The following NOC4L variants were observed in gnomAD, a reference collection of about 807,000 sequenced individuals.
NOC4L encodes nucleolar complex associated 4 homolog, also known as nucleolar complex protein 4 homolog.
In NOC4L, 40 loss-of-function variants were observed where a neutral mutation model predicts 62.8. The ratio of observed to expected loss-of-function variants is 0.64; its 90% CI spans 0.49 to 0.83. NOC4L has a LOEUF of 0.83. NOC4L is among the 40% of genes least tolerant of loss of function. The probability of loss-of-function intolerance (pLI) is 0.00; values close to 1 mark genes in which losing one functional copy is unlikely to be tolerated. For missense variants in NOC4L, 927 were observed against 701.9 expected, an observed-to-expected ratio of 1.32 and a Z score of -3.62; for synonymous variants, 433 against 299.8, an observed-to-expected ratio of 1.44 and a Z score of -4.59.
At position 132,148,905 on chromosome 12, in the gene NOC4L, GCCGCC is replaced by G. The variant is rs1897840770; in HGVS notation, c.901+11_901+15del. On this transcript the variant is annotated intron_variant, in intron 9 of 14. Coordinates refer to ENST00000330579, the MANE Select transcript of NOC4L (RefSeq NM_024078.3). ...CGCGCCTGCGACCTCGGTGAGTGCC[GCCGCC>G]TCGCTCACACCACACCCCTAATCCC... The G allele has an allele frequency of 7.8e-6, 10 of 1,278,402 alleles. No homozygotes were observed. The highest frequency in any genetic ancestry group is 4.3e-5 in the Admixed American group (2 of 45,992). 79.2% of individuals were successfully genotyped at this position (1,278,402 alleles called of 1,614,324 possible). A position where few individuals can be genotyped will look rare whatever the true frequency, so the allele number is the denominator to read the frequency against.
At chr12:132,147,030 T>TG in intron 3 of NOC4L, among the ~76,000 whole-genome samples, 1 of 152,344 alleles carries the variant, frequency 6.6e-6, no homozygotes, top group South Asian at 2.1e-4. Flanking sequence ...AGACCTGGGC[T>TG]GTGTACCCTT....
In NOC4L at chr12:132,152,296, C is replaced by T; in HGVS notation, c.1446C>T (p.Asp482=). The T allele has an allele frequency of 5.1e-6, 8 of 1,563,010 alleles. No individual in the cohort carries two copies. The highest frequency in any genetic ancestry group is 6.1e-6 in the Non-Finnish European group (7 of 1,154,320). The change falls in exon 15 of 15, where the codon GAC becomes GAT. Residue 482 remains aspartate (D), a synonymous_variant. Transcript: ENST00000330579. ...GTGCTTTGCAGATCTTTGAGCGGGA[C>T]CTGAAGAAGAAGGGGCCCGAGCCGG... ...ELTAYEIFER[D]LKKKGPEPVP... is the part of the protein sequence containing the mutation.
At chr12:132,150,826 G>T in intron 9 of NOC4L, 155 bp from the exon 10 acceptor site, 1 of 639,548 alleles carries the variant, frequency 1.6e-6, no homozygotes, top group South Asian at 1.8e-5. Flanking sequence ...CCACTCCCCT[G>T]CCCTGCATGT....
intron 2 of NOC4L, 52 bp from the exon 3 acceptor site, chr12:132,145,507 A>G (rs1897679203): frequency 8.0e-7 from 1 of 1,250,862 alleles, no homozygotes. Flanking sequence ...GGCTGGGCCC[A>G]GGGTGGCGTA....
At chr12:132,148,249 A>G (rs775797867) in intron 7 of NOC4L, 143 bp downstream of exon 7, 4 of 855,268 alleles carry the variant, frequency 4.7e-6, no homozygotes, top group Non-Finnish European at 5.5e-6. Flanking sequence ...CCACCAGGTC[A>G]CTCGAAGTGT....
Position 132,147,529 on chromosome 12 carries a change from C to T in NOC4L, c.454-104C>T. 4.7e-6 allele frequency: 7 copies of T among 1,499,820 alleles called. No homozygotes were observed. The South Asian group carries it at 6.4e-5, about 14-fold the overall frequency. 92.9% of individuals were successfully genotyped at this position (1,499,820 alleles called of 1,614,324 possible). ...CTGTGGCTCCTGTGGCCCACCCAACCAGGAGGAGTCTGCCTGGGGGGCTCG... is the reference window on the plus strand; with the variant it reads ...CTGTGGCTCCTGTGGCCCACCCAACTAGGAGGAGTCTGCCTGGGGGGCTCG... On this transcript the variant is annotated intron_variant, in intron 4 of 14. Coordinates refer to ENST00000330579, the MANE Select transcript of NOC4L (RefSeq NM_024078.3).
At chr12:132,145,528 A>C in intron 2 of NOC4L, 31 bp from the exon 3 acceptor site, 1 of 1,498,198 alleles carries the variant, frequency 6.7e-7, no homozygotes, top group Non-Finnish European at 9.2e-7. Flanking sequence ...TGTGGGCCTC[A>C]CGTGGGCTGA....
Position 132,144,565 on chromosome 12 carries a change from G to A in NOC4L, c.77G>A (p.Ser26Asn), listed in dbSNP as rs2136683390. The A allele has an allele frequency of 6.6e-7, 1 of 1,522,056 alleles. No homozygotes were observed. Among genetic ancestry groups the A allele is most frequent in the East Asian group, 2.6e-5 (1 of 39,044 alleles). 94.3% of individuals were successfully genotyped at this position (1,522,056 alleles called of 1,614,324 possible). ...CTGGAGGCGGTGCTGGCGAGCCGCAGTGAGGCCAACGCCGTGTTCGACATC... is the reference window on the plus strand; with the variant it reads ...CTGGAGGCGGTGCTGGCGAGCCGCAATGAGGCCAACGCCGTGTTCGACATC... ...RRLEAVLASR[S>N]EANAVFDILA... is the part of the protein sequence containing the mutation. The change falls in exon 1 of 15, where the codon AGT becomes AAT. Residue 26 changes from serine to asparagine, a missense_variant. By Grantham distance (46) the Ser-to-Asn change is conservative. Transcript: ENST00000330579.
chr12:132,148,783 G>A lies in NOC4L; in HGVS notation c.790-1G>A. On this transcript the variant is annotated splice_acceptor_variant, in intron 8 of 14. Coordinates refer to ENST00000330579, the MANE Select transcript of NOC4L (RefSeq NM_024078.3). LOFTEE classifies it high-confidence loss of function. The stretch of plus-strand genomic sequence containing the variant: ...ACCCCCACCTGCCGGCCCCCGCCCA[G>A]CTGCCCCTCAGCCTCTACAAGAAGG... 1 of 1,158,328 alleles carries A rather than the reference G, an allele frequency of 8.6e-7. No homozygotes were observed. Among genetic ancestry groups the A allele is most frequent in the Non-Finnish European group, 1.1e-6 (1 of 926,276 alleles). 71.8% of individuals were successfully genotyped at this position (1,158,328 alleles called of 1,614,324 possible). A position where few individuals can be genotyped will look rare whatever the true frequency, so the allele number is the denominator to read the frequency against.
At chr12:132,150,932 G>C in intron 9 of NOC4L, 49 bp from the exon 10 acceptor site, 1 of 1,388,182 alleles carries the variant, frequency 7.2e-7, no homozygotes, top group Non-Finnish European at 1.0e-6. Flanking sequence ...CAGGGGGTAG[G>C]GTGGGAGCGA....
chr12:132,145,136 G>A (rs1897660287), intron 2 of NOC4L, among the ~76,000 whole-genome samples, 162 bp downstream of exon 2: 1 of 152,240 alleles, frequency 6.6e-6, no homozygotes, highest in Non-Finnish European at 1.5e-5. Context: ...GTTGGGGCAG[G>A]GGTGACATGG....
At chr12:132,152,043 G>A in intron 13 of NOC4L, 41 bp from the exon 14 acceptor site, 1 of 1,529,556 alleles carries the variant, frequency 6.5e-7, no homozygotes, top group East Asian at 2.4e-5. Flanking sequence ...CACAGGGCGG[G>A]GGCCTGGGGC....
rs201015256 is a variant in NOC4L at position 132,151,407 on chromosome 12, G to A, written c.1073+39G>A. ...CACCTGGCTCTGCCCTGCTCTGTGC[G>A]GCTGCAGCCTGGGGCCAGGGGAGGG... On this transcript the variant is annotated intron_variant, in intron 11 of 14. Transcript: ENST00000330579. The A allele has an allele frequency of 2.0e-4, 324 of 1,603,422 alleles. 2 individuals are homozygous for A. The African/African-American group carries it at 2.4e-3, about 12-fold the overall frequency.
chr12:132,150,819 C>G (rs1238266658), intron 9 of NOC4L, 162 bp from the exon 10 acceptor site: 3 of 626,516 alleles, frequency 4.8e-6, no homozygotes, highest in African/African-American at 3.6e-5. Context: ...CCACCCCCCA[C>G]TCCCCTGCCC....
At position 132,148,804 on chromosome 12, in the gene NOC4L, G is replaced by C. The variant is rs781473172; in HGVS notation, c.810G>C (p.Lys270Asn). 2 of 1,576,378 alleles carry C rather than the reference G, an allele frequency of 1.3e-6. No individual in the cohort carries two copies. The highest frequency in any genetic ancestry group is 1.1e-5 in the South Asian group (1 of 89,554). ...CCCAGCTGCCCCTCAGCCTCTACAA[G>C]AAGGTGCTGCTGATTGTGCATGACG... ...LKHKLPLSLY[K>N]KVLLIVHDAI... Residue 270 changes from lysine to asparagine, a missense_variant, in exon 9 of 15, where the codon AAG (lysine) becomes AAC (asparagine). Lys to Asn is a moderately conservative substitution (Grantham distance 94). Transcript: ENST00000330579.
chr12:132,148,743 GC>G, intron 8 of NOC4L, 40 bp from the exon 9 acceptor site: 1 of 921,688 alleles, frequency 1.1e-6, no homozygotes, highest in South Asian at 4.7e-5. Context: ...GCCGGCCCCC[GC>G]CCACCCGCCC....
chr12:132,146,214 TG>T (rs1897716684), intron 3 of NOC4L: 2 of 455,358 alleles, frequency 4.4e-6, no homozygotes, highest in Non-Finnish European at 8.8e-6. Context: ...GGTTACTTCC[TG>T]GATCAATGGG....
chr12:132,147,969 G>A lies in NOC4L; in HGVS notation c.693G>A (p.Val231=). The A allele has an allele frequency of 6.2e-7, 1 of 1,610,550 alleles. No individual in the cohort carries two copies. The highest frequency in any genetic ancestry group is 1.1e-5 in the South Asian group (1 of 90,700). Residue 231 remains valine, a synonymous_variant, in exon 6 of 15, where the codon GTG becomes GTA. Coordinates refer to ENST00000330579, the MANE Select transcript of NOC4L (RefSeq NM_024078.3). ...RREPTVSSFY[V]KRAELWDTWK... ...AGCCCACCGTCTCCAGCTTCTATGT[G>A]AAGCGGGCGGGTGAGTGTGCTGAGA...
At chr12:132,145,070 G>A in intron 2 of NOC4L, 96 bp downstream of exon 2, 3 of 1,460,086 alleles carry the variant, frequency 2.1e-6, no homozygotes, top group South Asian at 1.3e-5. Context: ...CCTGGCACAG[G>A]CCGTGCAGGC....
Sources: allele counts gnomAD v4.1 joint callset (sites outside exome capture counted in the v4.1 genomes callset), GRCh38; gene constraint gnomAD v4.1.1; transcripts MANE v1.5; gene names NCBI Gene and HGNC (gene_info 2026-07-23, HGNC 2026-07-21).